ARHGEF12: variants seen among roughly 807,000 people sequenced by gnomAD.
The protein encoded by ARHGEF12 is KMT2A/ARHGEF12 fusion protein.
A neutral mutation model predicts 211.2 loss-of-function variants in ARHGEF12; 66 were observed. That is an observed-to-expected ratio of 0.31 (90% confidence interval 0.26 to 0.38). The LOEUF (loss-of-function observed/expected upper bound fraction) is 0.38, where lower values mean the gene tolerates loss of function less well. Ranked by LOEUF, ARHGEF12 falls within the 10% of genes least tolerant of loss-of-function variation. The pLI is 1.00. For synonymous variants in ARHGEF12, 592 were observed against 638.4 expected (o/e 0.93, Z 1.09); for missense variants, 1,429 against 1,869.5 (o/e 0.76, Z 4.34).
chr11:120,350,318 A>G (rs1942896141), intron 1 of ARHGEF12, among the ~76,000 whole-genome samples: 1 of 152,182 alleles, frequency 6.6e-6, no homozygotes, highest in Non-Finnish European at 1.5e-5. Flanking sequence ...GATCGAGACC[A>G]TCCTGGCTAA....
intron 1 of ARHGEF12, among the ~76,000 whole-genome samples, chr11:120,353,876 A>G (rs570964357): frequency 2.8e-4 from 43 of 152,268 alleles, no homozygotes; most frequent in Non-Finnish European, 5.4e-4. Flanking sequence ...TTTTGAGCCT[A>G]TAGGATATCT....
At chr11:120,443,774 G>GA (rs1217261193) in intron 15 of ARHGEF12, among the ~76,000 whole-genome samples, 2 of 151,488 alleles carry the variant, frequency 1.3e-5, no homozygotes, top group East Asian at 1.9e-4. Context: ...AATATTCAAG[G>GA]AAAAAAACAA....
intron 15 of ARHGEF12, 106 bp downstream of exon 15, chr11:120,442,308 C>T (rs1376207986): frequency 2.7e-6 from 2 of 727,468 alleles, no homozygotes; most frequent in Non-Finnish European, 4.3e-6. Flanking sequence ...TGTGCTTTCT[C>T]ACACCTGTAT....
At position 120,379,163 on chromosome 11, in the gene ARHGEF12, A is replaced by G. The variant is rs1943810309; in HGVS notation, c.33-26955A>G. Among the ~76,000 whole-genome samples, 5 of 152,260 alleles carry G rather than the reference A, an allele frequency of 3.3e-5. No individual in the cohort carries two copies. The South Asian group carries it at 8.3e-4, about 25-fold the overall frequency. On this transcript the variant is annotated intron_variant, in intron 1 of 40. Transcript: ENST00000397843. Reference sequence around the variant, plus strand: ...ATAGTTTTCAGCATACAGGGTTTGCACATGGTTTGTTAAGTTTATGTGTTT... The same window carrying G: ...ATAGTTTTCAGCATACAGGGTTTGCGCATGGTTTGTTAAGTTTATGTGTTT...
At chr11:120,443,564 A>T (rs1222563778) in intron 15 of ARHGEF12, among the ~76,000 whole-genome samples, 1 of 152,164 alleles carries the variant, frequency 6.6e-6, no homozygotes, top group Admixed American at 6.5e-5. Flanking sequence ...GTATGCCTTT[A>T]CAAAATTGTC....
chr11:120,429,847 C>A lies in ARHGEF12; in HGVS notation c.783+16C>A, dbSNP rs765692031. 1 of 1,597,418 alleles carries A rather than the reference C, an allele frequency of 6.3e-7. No homozygotes were observed. Among genetic ancestry groups the A allele is most frequent in the South Asian group, 1.1e-5 (1 of 87,240 alleles). On this transcript the variant is annotated intron_variant, in intron 10 of 40. Coordinates refer to ENST00000397843, the MANE Select transcript of ARHGEF12 (RefSeq NM_015313.3). ...CTCTGCTCAGGTAGCATCACTATTA[C>A]AAGTGCTACCCAACTTTTTGCAGGA...
chr11:120,432,193 C>G (rs1055618225), intron 11 of ARHGEF12, among the ~76,000 whole-genome samples: 1 of 152,120 alleles, frequency 6.6e-6, no homozygotes, highest in Non-Finnish European at 1.5e-5. Context: ...GTTACTAATG[C>G]CAGTGCATTT....
In ARHGEF12 at chr11:120,467,826, A is replaced by G. The variant is rs7129407; in HGVS notation, c.2854+518A>G. On this transcript the variant is annotated intron_variant, in intron 29 of 40. Transcript: ENST00000397843. ...GCTTTAGTACGGGGTATATCAAACTATGAATCATAGACCAAGTCATGCTCA... is the reference window on the plus strand; with the variant it reads ...GCTTTAGTACGGGGTATATCAAACTGTGAATCATAGACCAAGTCATGCTCA... Among the ~76,000 whole-genome samples, 1,021 of 152,296 alleles carry G rather than the reference A, an allele frequency of 6.7e-3. 17 individuals carry two copies. Among genetic ancestry groups the G allele is most frequent in the African/African-American group, 0.023 (959 of 41,562 alleles).
At chr11:120,412,096 C>T (rs987562033) in intron 4 of ARHGEF12, among the ~76,000 whole-genome samples, 1 of 152,042 alleles carries the variant, frequency 6.6e-6, no homozygotes, top group Non-Finnish European at 1.5e-5. Flanking sequence ...CTTATTTGTC[C>T]CTTTCTACCT....
chr11:120,478,495 A>G (rs1461703241), intron 37 of ARHGEF12, 106 bp downstream of exon 37: 11 of 1,067,962 alleles, frequency 1.0e-5, no homozygotes, highest in Non-Finnish European at 1.4e-5. Context: ...TTCTAGTTCT[A>G]TTGTGGAGAT....
chr11:120,348,923 T>A (rs998211141), intron 1 of ARHGEF12, among the ~76,000 whole-genome samples: 13 of 152,222 alleles, frequency 8.5e-5, no homozygotes, highest in Admixed American at 7.2e-4. Context: ...GTGTTTAGAC[T>A]TGGGTCCCAT....
chr11:120,428,211 G>T lies in ARHGEF12; in HGVS notation c.549G>T (p.Gly183=). ...CTCCTCATTCACCTGGAGCATCTGG[G>T]AATATGGAGAGAATCACTAGTCCTG... is the stretch of plus-strand genomic sequence containing the variant. ...MTSPHSPGAS[G]NMERITSPVL... The change falls in exon 8 of 41, where the codon GGG becomes GGT. Residue 183 remains glycine, a synonymous_variant. Coordinates refer to ENST00000397843, the MANE Select transcript of ARHGEF12 (RefSeq NM_015313.3). 6.2e-7 allele frequency: 1 copy of T among 1,610,670 alleles called. No individual in the cohort carries two copies.
Position 120,489,682 on chromosome 11 carries a change from G to T in ARHGEF12, c.*4605G>T, listed in dbSNP as rs767575533. 9.6e-6 allele frequency: 2 copies of T among 207,612 alleles called. No individual in the cohort carries two copies. Among genetic ancestry groups the T allele is most frequent in the Non-Finnish European group, 2.0e-5 (2 of 101,758 alleles). 12.9% of individuals were successfully genotyped at this position (207,612 alleles called of 1,614,324 possible). A position where few individuals can be genotyped will look rare whatever the true frequency, so the allele number is the denominator to read the frequency against. On this transcript the variant is annotated 3_prime_UTR_variant, in exon 41 of 41. Transcript: ENST00000397843. Reference sequence around the variant, plus strand: ...CATTTGGCTGACGGAGCTAATAAGCGTAATAAAATGCTTAGTAGTTTATAC... The same window carrying T: ...CATTTGGCTGACGGAGCTAATAAGCTTAATAAAATGCTTAGTAGTTTATAC...
chr11:120,339,617 T>A (rs1453465439), intron 1 of ARHGEF12, among the ~76,000 whole-genome samples: 1 of 152,206 alleles, frequency 6.6e-6, no homozygotes, highest in African/African-American at 2.4e-5. Flanking sequence ...GCCAGCTGTG[T>A]GAGTTAGAGT....
intron 1 of ARHGEF12, among the ~76,000 whole-genome samples, chr11:120,387,871 C>T (rs534607495): frequency 1.3e-5 from 2 of 152,046 alleles, no homozygotes; most frequent in Non-Finnish European, 2.9e-5. Flanking sequence ...TATAACATAA[C>T]GTTTACTGGT....
chr11:120,347,972 AG>A (rs1292170618), intron 1 of ARHGEF12, among the ~76,000 whole-genome samples: 6 of 152,248 alleles, frequency 3.9e-5, no homozygotes, highest in African/African-American at 1.2e-4. Flanking sequence ...ATTTTAGTAT[AG>A]TACCACTATC....
chr11:120,337,409 G>T, intron 1 of ARHGEF12, 134 bp downstream of exon 1: 3 of 1,515,046 alleles, frequency 2.0e-6, no homozygotes, highest in Non-Finnish European at 2.7e-6. Context: ...GAGCTGTGCA[G>T]TTAGCCTGGG....
intron 1 of ARHGEF12, among the ~76,000 whole-genome samples, chr11:120,377,095 A>G (rs1239555304): frequency 1.3e-5 from 2 of 152,212 alleles, no homozygotes; most frequent in African/African-American, 4.8e-5. Flanking sequence ...TAGTGCATCA[A>G]TAAAGATAGG....
At chr11:120,465,000 T>C (rs920177965) in intron 27 of ARHGEF12, 34 of 473,082 alleles carry the variant, frequency 7.2e-5, no homozygotes, top group African/African-American at 6.4e-4. Flanking sequence ...AGCAACACTG[T>C]CTCAAAAAAA....
Sources: allele counts gnomAD v4.1 joint callset (sites outside exome capture counted in the v4.1 genomes callset), GRCh38; gene constraint gnomAD v4.1.1; transcripts MANE v1.5; gene names NCBI Gene and HGNC (gene_info 2026-07-23, HGNC 2026-07-21).